The following MALRD1 variants were observed in gnomAD, a reference collection of about 807,000 sequenced individuals.
The protein encoded by MALRD1 is MAM and LDL receptor class A domain containing 1.
Under a neutral mutation model 242.1 loss-of-function variants are expected in MALRD1, and 247 were observed. That is an observed-to-expected ratio of 1.02 (90% CI 0.92 to 1.13). The LOEUF is 1.13. Among genes scored for constraint, MALRD1 ranks in the 50% most tolerant of loss-of-function variants. MALRD1 has a pLI of 0.00. For synonymous variants in MALRD1, 995 were observed against 866.6 expected (o/e 1.15, Z -2.60); for missense variants, 2,989 against 2,533.1 (o/e 1.18, Z -3.86).
At chr10:19,235,867 C>G (rs1197356276) in intron 18 of MALRD1, among the ~76,000 whole-genome samples, 1 of 151,988 alleles carries the variant, frequency 6.6e-6, no homozygotes, top group African/African-American at 2.4e-5. Flanking sequence ...TAAGGTATTT[C>G]AAACCCTTGA....
intron 1 of MALRD1, among the ~76,000 whole-genome samples, chr10:19,060,370 T>C (rs1241121772): frequency 1.3e-5 from 2 of 152,200 alleles, no homozygotes; most frequent in African/African-American, 4.8e-5. Context: ...GGCCTAGAAG[T>C]TGCTTAACCA....
chr10:19,219,469 C>A (rs1435275562), intron 18 of MALRD1, among the ~76,000 whole-genome samples: 1 of 152,058 alleles, frequency 6.6e-6, no homozygotes, highest in South Asian at 2.1e-4. Flanking sequence ...CAAGTTCTCA[C>A]TCTGTTGCCC....
rs1843366395 is a variant in MALRD1, at chr10:19,331,456, A to T, written c.3775A>T (p.Ser1259Cys). The stretch of plus-strand genomic sequence containing the variant: ...CTTCCAAGATTGCTCCCCTTTGCTT[A>T]GCCCAGAGAGAAAGTGTACTGATCA... ...ISFQDCSPLL[S>C]PERKCTDHEF... The change falls in exon 24 of 40, where the codon AGC becomes TGC. Residue 1259 changes from serine to cysteine, a missense_variant. By Grantham distance (112) the Ser-to-Cys change is moderately radical. Coordinates refer to ENST00000454679, the MANE Select transcript of MALRD1 (RefSeq NM_001142308.3). 2.6e-6 allele frequency: 4 copies of T among 1,550,430 alleles called. No individual in the cohort carries two copies. Among genetic ancestry groups the T allele is most frequent in the Non-Finnish European group, 3.5e-6 (4 of 1,146,894 alleles).
chr10:19,429,320 A>G (rs944983710), intron 28 of MALRD1, among the ~76,000 whole-genome samples: 5 of 152,176 alleles, frequency 3.3e-5, no homozygotes, highest in African/African-American at 1.2e-4. Context: ...CTGTAATCCC[A>G]GCACTTCAGG....
intron 32 of MALRD1, among the ~76,000 whole-genome samples, chr10:19,554,175 A>G (rs113105080): frequency 2.0e-5 from 3 of 152,208 alleles, no homozygotes; most frequent in Non-Finnish European, 4.4e-5. Flanking sequence ...CCTGAAGTTG[A>G]GTAGTTTATA....
Position 19,499,966 on chromosome 10 carries a change from G to A in MALRD1, c.5320+1320G>A, listed in dbSNP as rs74515205. Among the ~76,000 whole-genome samples the A allele has an allele frequency of 5.8e-3, 889 of 152,210 alleles. 14 individuals are homozygous for A. The highest frequency in any genetic ancestry group is 0.023 in the Admixed American group (347 of 15,296). On this transcript the variant is annotated intron_variant, in intron 31 of 39. Coordinates refer to ENST00000454679, the MANE Select transcript of MALRD1 (RefSeq NM_001142308.3). ...TTGCATCTTAGGAATGAACCCTACT[G>A]GATTGTGGTGAATTAACTCTTTGAT...
At chr10:19,166,475 GTAGT>G (rs538222012) in intron 13 of MALRD1, among the ~76,000 whole-genome samples, 182 of 152,202 alleles carry the variant, frequency 1.2e-3, no homozygotes, top group African/African-American at 3.7e-3. Flanking sequence ...GTTAAAAAAT[GTAGT>G]TAGTTAGATA....
At chr10:19,128,458 T>C (rs1353882591) in intron 8 of MALRD1, 71 bp downstream of exon 8, 14 of 1,077,510 alleles carry the variant, frequency 1.3e-5, no homozygotes, top group Non-Finnish European at 1.7e-5. Context: ...CAACTTGTGT[T>C]TCGATTTCTC....
chr10:19,382,988 A>G (rs1454802866), intron 26 of MALRD1, among the ~76,000 whole-genome samples: 2 of 152,208 alleles, frequency 1.3e-5, no homozygotes, highest in Non-Finnish European at 2.9e-5. Flanking sequence ...AATATCAGAA[A>G]TGAAGTAGGG....
At chr10:19,274,106 T>C (rs118011359) in intron 19 of MALRD1, among the ~76,000 whole-genome samples, 1 of 152,212 alleles carries the variant, frequency 6.6e-6, no homozygotes, top group Non-Finnish European at 1.5e-5. Flanking sequence ...TATCCTATGA[T>C]GTAGCAATGC....
At chr10:19,406,401 A>G (rs145599287) in intron 28 of MALRD1, among the ~76,000 whole-genome samples, 3 of 152,232 alleles carry the variant, frequency 2.0e-5, no homozygotes, top group Non-Finnish European at 4.4e-5. Context: ...TAATGCCAGA[A>G]TTCGTTCTAT....
At chr10:19,495,448 A>G (rs1056931675) in intron 30 of MALRD1, among the ~76,000 whole-genome samples, 3 of 138,318 alleles carry the variant, frequency 2.2e-5, no homozygotes, top group Non-Finnish European at 4.8e-5. Context: ...TCAACATTCT[A>G]AAAAAAAAAA....
intron 29 of MALRD1, among the ~76,000 whole-genome samples, chr10:19,469,947 T>C (rs1423603469): frequency 6.6e-6 from 1 of 152,034 alleles, no homozygotes; most frequent in East Asian, 1.9e-4. Context: ...TATTGGACTT[T>C]TTATGGTAAA....
intron 30 of MALRD1, 23 bp downstream of exon 30, chr10:19,491,668 T>A: frequency 6.5e-7 from 1 of 1,543,684 alleles, no homozygotes; most frequent in Non-Finnish European, 8.7e-7. Flanking sequence ...ATCTGCTGTA[T>A]GGCAGCCAGT....
chr10:19,534,960 G>A (rs182600977), intron 32 of MALRD1, among the ~76,000 whole-genome samples: 12 of 151,958 alleles, frequency 7.9e-5, no homozygotes, highest in Middle Eastern at 3.4e-3. Flanking sequence ...ATCTTGGCTC[G>A]CTGCAACCTC....
At chr10:19,281,235 A>T (rs1441866614) in intron 20 of MALRD1, among the ~76,000 whole-genome samples, 1 of 152,258 alleles carries the variant, frequency 6.6e-6, no homozygotes, top group Non-Finnish European at 1.5e-5. Context: ...TATATCATGC[A>T]TCACAGATGG....
At chr10:19,588,218 C>T (rs932772568) in intron 33 of MALRD1, among the ~76,000 whole-genome samples, 1 of 151,862 alleles carries the variant, frequency 6.6e-6, no homozygotes, top group African/African-American at 2.4e-5. Context: ...TGATTTATTC[C>T]ATGGAAATAG....
chr10:19,192,546 T>C (rs1405172063), intron 14 of MALRD1, among the ~76,000 whole-genome samples: 1 of 151,496 alleles, frequency 6.6e-6, no homozygotes, highest in Non-Finnish European at 1.5e-5. Flanking sequence ...AGAAACTGAA[T>C]TCTGCCAACC....
At chr10:19,657,130 C>G (rs899117874) in intron 36 of MALRD1, among the ~76,000 whole-genome samples, 2 of 152,132 alleles carry the variant, frequency 1.3e-5, no homozygotes, top group Admixed American at 1.3e-4. Flanking sequence ...CATTCCTTTA[C>G]CCTTGATACT....
Sources: allele counts gnomAD v4.1 joint callset (sites outside exome capture counted in the v4.1 genomes callset), GRCh38; gene constraint gnomAD v4.1.1; transcripts MANE v1.5; gene names NCBI Gene and HGNC (gene_info 2026-07-23, HGNC 2026-07-21).